ACAP2: variants seen among roughly 807,000 people sequenced by gnomAD.
ACAP2 encodes the protein ArfGAP with coiled-coil, ankyrin repeat and PH domains 2.
A neutral mutation model predicts 115.8 loss-of-function variants in ACAP2; 39 were observed. The ratio of observed to expected loss-of-function variants is 0.34; its 90% CI spans 0.26 to 0.44. The LOEUF (loss-of-function observed/expected upper bound fraction) is 0.44, where lower values mean the gene tolerates loss of function less well. Ranked by LOEUF, ACAP2 falls within the 20% of genes least tolerant of loss-of-function variation. The pLI is 1.00. For synonymous variants in ACAP2, 289 were observed against 315.8 expected, an observed-to-expected ratio of 0.92 and a Z score of 0.90; for missense variants, 662 against 927.6, an observed-to-expected ratio of 0.71 and a Z score of 3.72.
intron 2 of ACAP2, among the ~76,000 whole-genome samples, chr3:195,391,598 T>C (rs1231555231): frequency 6.6e-6 from 1 of 152,144 alleles, no homozygotes; most frequent in Non-Finnish European, 1.5e-5. Context: ...GAATTCCTGC[T>C]CTGGCACTTA....
At chr3:195,401,591 C>T (rs1421375518) in intron 1 of ACAP2, among the ~76,000 whole-genome samples, 3 of 152,156 alleles carry the variant, frequency 2.0e-5, no homozygotes, top group Non-Finnish European at 2.9e-5. Flanking sequence ...CACTTGAACC[C>T]GGGAGGCAGA....
intron 4 of ACAP2, chr3:195,349,913 G>T: frequency 4.8e-6 from 1 of 209,886 alleles, no homozygotes. Context: ...CCCATATGTG[G>T]TTTTCCAGAA....
intron 1 of ACAP2, among the ~76,000 whole-genome samples, chr3:195,411,591 C>T (rs1460957887): frequency 6.6e-6 from 1 of 152,118 alleles, no homozygotes; most frequent in East Asian, 1.9e-4. Flanking sequence ...CATCAAAAGG[C>T]ACACATTTTA....
chr3:195,330,363 C>T (rs1030855068), intron 8 of ACAP2, among the ~76,000 whole-genome samples: 4 of 152,100 alleles, frequency 2.6e-5, no homozygotes, highest in Non-Finnish European at 5.9e-5. Context: ...GGCTCTGGGG[C>T]TTAGATGTTT....
chr3:195,410,981 T>C (rs751891760), intron 1 of ACAP2: 30 of 391,390 alleles, frequency 7.7e-5, no homozygotes, highest in African/African-American at 6.4e-4. Flanking sequence ...TCTGCTGGCA[T>C]CTTTATCTTG....
At chr3:195,435,513 G>A (rs1216281896) in intron 1 of ACAP2, among the ~76,000 whole-genome samples, 1 of 151,656 alleles carries the variant, frequency 6.6e-6, no homozygotes, top group Non-Finnish European at 1.5e-5. Flanking sequence ...TTCTCTCTAA[G>A]CAGTGCTTTA....
rs533345533 is a variant in ACAP2, at chr3:195,428,857, G to A, written c.53+13938C>T. Among the ~76,000 whole-genome samples, 7 of 152,208 alleles carry A rather than the reference G, an allele frequency of 4.6e-5. No individual in the cohort carries two copies. The South Asian group carries it at 1.0e-3, about 23-fold the overall frequency. On this transcript the variant is annotated intron_variant, in intron 1 of 22. Coordinates refer to ENST00000326793, the MANE Select transcript of ACAP2 (RefSeq NM_012287.6). ...TGGCAGATTTATAAACAGTACAATC[G>A]CTTTGGAATAATGCTTTGCAGTTTC...
chr3:195,372,719 C>G (rs1325583724), intron 4 of ACAP2, among the ~76,000 whole-genome samples: 1 of 152,016 alleles, frequency 6.6e-6, no homozygotes, highest in Non-Finnish European at 1.5e-5. Flanking sequence ...AAGGCTGAGG[C>G]AGAAGGATCA....
rs1454819544 is a variant in ACAP2, at chr3:195,344,030, G to A, written c.344+1229C>T. Among the ~76,000 whole-genome samples the A allele has an allele frequency of 2.0e-5, 3 of 152,184 alleles. No homozygotes were observed. The East Asian group carries it at 5.8e-4, about 29-fold the overall frequency. On this transcript the variant is annotated intron_variant, in intron 5 of 22. Coordinates refer to ENST00000326793, the MANE Select transcript of ACAP2 (RefSeq NM_012287.6). The stretch of plus-strand genomic sequence containing the variant: ...TTGAGACTAGCCTCAGCAACATAGT[G>A]AGACTTGCCTCTACAAATAATAAAA...
intron 15 of ACAP2, among the ~76,000 whole-genome samples, chr3:195,300,379 T>G (rs1727970265): frequency 6.6e-6 from 1 of 152,088 alleles, no homozygotes; most frequent in African/African-American, 2.4e-5. Flanking sequence ...GAGCATATAC[T>G]CCAACCCTTA....
At chr3:195,400,038 T>A (rs1170061164) in intron 1 of ACAP2, among the ~76,000 whole-genome samples, 1 of 151,442 alleles carries the variant, frequency 6.6e-6, no homozygotes, top group Non-Finnish European at 1.5e-5. Context: ...ATTAGCCGGG[T>A]ATGGTGGCGC....
chr3:195,302,876 G>A (rs904574593), intron 13 of ACAP2, among the ~76,000 whole-genome samples: 12 of 152,150 alleles, frequency 7.9e-5, no homozygotes, highest in African/African-American at 2.9e-4. Flanking sequence ...CTTGGGTCCA[G>A]GTGTTCAAGA....
intron 1 of ACAP2, among the ~76,000 whole-genome samples, chr3:195,434,047 A>G (rs1488520971): frequency 6.6e-6 from 1 of 151,734 alleles, no homozygotes; most frequent in East Asian, 1.9e-4. Flanking sequence ...TCCTGCCTCA[A>G]CCTCCTGAGG....
At chr3:195,376,507 C>T (rs899069727) in intron 4 of ACAP2, among the ~76,000 whole-genome samples, 9 of 152,132 alleles carry the variant, frequency 5.9e-5, no homozygotes, top group African/African-American at 2.2e-4. Flanking sequence ...CGCACCACTG[C>T]ACTCCAGCCT....
At chr3:195,279,603 A>AT in intron 22 of ACAP2, 175 bp from the exon 23 acceptor site, 3 of 428,814 alleles carry the variant, frequency 7.0e-6, no homozygotes, top group Non-Finnish European at 4.0e-6. Flanking sequence ...ATGCAATGAA[A>AT]GAAAAAAAAA....
intron 1 of ACAP2, among the ~76,000 whole-genome samples, chr3:195,437,070 C>T (rs1054745587): frequency 6.6e-6 from 1 of 152,164 alleles, no homozygotes; most frequent in African/African-American, 2.4e-5. Context: ...TTTAAAGAGA[C>T]AGGGTCTTGC....
At chr3:195,435,206 A>G (rs529176009) in intron 1 of ACAP2, among the ~76,000 whole-genome samples, 6 of 150,658 alleles carry the variant, frequency 4.0e-5, no homozygotes, top group African/African-American at 1.5e-4. Context: ...ACAGAGTCTC[A>G]CTCTGTTGTC....
At chr3:195,316,893 ATTTTTTTTTTT>A (rs60184290) in intron 10 of ACAP2, among the ~76,000 whole-genome samples, 5 of 53,832 alleles carry the variant, frequency 9.3e-5, no homozygotes, top group Admixed American at 3.2e-4. Flanking sequence ...ATGTCAGTGA[ATTTTTTTTTTT>A]TTTTTTTTTT....
rs111961523 is a variant in ACAP2 at position 195,284,221 on chromosome 3, C to T, written c.2236+1575G>A. Among the ~76,000 whole-genome samples, 362 of 152,262 alleles carry T rather than the reference C, an allele frequency of 2.4e-3. 1 individual carries two copies. The highest frequency in any genetic ancestry group is 8.3e-3 in the African/African-American group (344 of 41,552). ...GGAAAATAATTGTTTAACTTAAAATCGTGAGGTTCACTCTTCTCTTACAAA... is the reference window on the plus strand; with the variant it reads ...GGAAAATAATTGTTTAACTTAAAATTGTGAGGTTCACTCTTCTCTTACAAA... On this transcript the variant is annotated intron_variant, in intron 22 of 22. Transcript: ENST00000326793.
Sources: allele counts gnomAD v4.1 joint callset (sites outside exome capture counted in the v4.1 genomes callset), GRCh38; gene constraint gnomAD v4.1.1; transcripts MANE v1.5; gene names NCBI Gene and HGNC (gene_info 2026-07-23, HGNC 2026-07-21).